CADPS2: variants seen among roughly 807,000 people sequenced by gnomAD.
CADPS2 encodes calcium dependent secretion activator 2.
A neutral mutation model predicts 172.5 loss-of-function variants in CADPS2; 93 were observed. That is an observed-to-expected ratio of 0.54 (90% CI 0.46 to 0.64). The LOEUF (loss-of-function observed/expected upper bound fraction) is 0.64. Ranked by LOEUF, CADPS2 falls within the 30% of genes least tolerant of loss-of-function variation. CADPS2 has a pLI of 0.00. For synonymous variants in CADPS2, 546 were observed against 555.2 expected (o/e 0.98, Z 0.23); for missense variants, 1,420 against 1,565.9 (o/e 0.91, Z 1.57).
intron 7 of CADPS2, among the ~76,000 whole-genome samples, chr7:122,556,994 T>A (rs569259141): frequency 6.6e-6 from 1 of 152,250 alleles, no homozygotes; most frequent in Admixed American, 6.5e-5. Flanking sequence ...GTATATCTAA[T>A]TCCCTATGTT....
intron 1 of CADPS2, among the ~76,000 whole-genome samples, chr7:122,762,146 A>T (rs1276369665): frequency 1.3e-5 from 2 of 151,632 alleles, no homozygotes; most frequent in African/African-American, 4.8e-5. Flanking sequence ...AACAGAAAAG[A>T]AGTACTCAAT....
chr7:122,456,270 GTTAT>G (rs1554538089), intron 14 of CADPS2, among the ~76,000 whole-genome samples: 1 of 151,912 alleles, frequency 6.6e-6, no homozygotes, highest in Non-Finnish European at 1.5e-5. Flanking sequence ...TTAAAATGTG[GTTAT>G]TTAAAATTCG....
intron 1 of CADPS2, among the ~76,000 whole-genome samples, chr7:122,852,614 A>C (rs891117012): frequency 1.3e-5 from 2 of 152,190 alleles, no homozygotes; most frequent in Non-Finnish European, 2.9e-5. Flanking sequence ...TTTCAGGTAC[A>C]GAGAACAGTA....
In CADPS2 at chr7:122,319,632, C is replaced by A. The variant is rs1395840423; in HGVS notation, c.*533G>T. ...TAGACCAATTCAAAGTACTAAGAAC[C>A]AAGATTAAAGATTTTATACACATCA... On this transcript the variant is annotated 3_prime_UTR_variant, in exon 30 of 30. Coordinates refer to ENST00000449022, the MANE Select transcript of CADPS2 (RefSeq NM_017954.11). The A allele has an allele frequency of 6.6e-6, 1 of 152,002 alleles. No homozygotes were observed. Among genetic ancestry groups the A allele is most frequent in the Non-Finnish European group, 1.5e-5 (1 of 68,006 alleles). 9.4% of individuals were successfully genotyped at this position (152,002 alleles called of 1,614,324 possible).
chr7:122,429,225 T>A (rs1041970276), intron 17 of CADPS2, among the ~76,000 whole-genome samples: 1 of 151,444 alleles, frequency 6.6e-6, no homozygotes, highest in African/African-American at 2.4e-5. Context: ...ACAAAACCAA[T>A]ATTTTCCAAA....
chr7:122,445,816 T>C (rs937195914), intron 15 of CADPS2, among the ~76,000 whole-genome samples: 3 of 152,140 alleles, frequency 2.0e-5, no homozygotes, highest in African/African-American at 7.2e-5. Context: ...AGTAAGAACC[T>C]GTCTCAAAAA....
chr7:122,552,694 C>CTGAA (rs2064457796), intron 8 of CADPS2, among the ~76,000 whole-genome samples: 1 of 151,592 alleles, frequency 6.6e-6, no homozygotes, highest in South Asian at 2.1e-4. Flanking sequence ...TTGAGACAAG[C>CTGAA]TGAAGGTCCA....
At chr7:122,371,238 G>A (rs1172851876) in intron 25 of CADPS2, among the ~76,000 whole-genome samples, 1 of 152,176 alleles carries the variant, frequency 6.6e-6, no homozygotes, top group Non-Finnish European at 1.5e-5. Context: ...TGGCTTCAGG[G>A]CTGTATTAGT....
chr7:122,665,839 T>C (rs1382550558), intron 2 of CADPS2, among the ~76,000 whole-genome samples: 1 of 152,226 alleles, frequency 6.6e-6, no homozygotes, highest in Non-Finnish European at 1.5e-5. Flanking sequence ...AATTACTTAC[T>C]ATTGGAAAGT....
intron 4 of CADPS2, among the ~76,000 whole-genome samples, chr7:122,626,976 C>T (rs2076148634): frequency 6.6e-6 from 1 of 152,140 alleles, no homozygotes; most frequent in African/African-American, 2.4e-5. Context: ...TGTAGTTTCA[C>T]TGTTATTATA....
chr7:122,835,528 A>T (rs1808099203), intron 1 of CADPS2, among the ~76,000 whole-genome samples: 1 of 152,202 alleles, frequency 6.6e-6, no homozygotes, highest in South Asian at 2.1e-4. Context: ...AGAAGCTAAA[A>T]ACCTTGAAAA....
chr7:122,836,246 A>C (rs1808368921), intron 1 of CADPS2, among the ~76,000 whole-genome samples: 2 of 152,186 alleles, frequency 1.3e-5, no homozygotes, highest in Non-Finnish European at 2.9e-5. Context: ...TTTTGTCACC[A>C]CCAGGCCTGC....
intron 17 of CADPS2, 100 bp downstream of exon 17, chr7:122,438,241 A>C (rs1242953106): frequency 7.6e-6 from 11 of 1,450,504 alleles, no homozygotes; most frequent in Non-Finnish European, 1.1e-5. Context: ...TTGCCATGGC[A>C]CAGGATTGTT....
intron 6 of CADPS2, among the ~76,000 whole-genome samples, chr7:122,596,191 G>A (rs1198379282): frequency 6.6e-6 from 1 of 151,982 alleles, no homozygotes; most frequent in Non-Finnish European, 1.5e-5. Flanking sequence ...GAGATACCTT[G>A]GAACAAAAAT....
Position 122,886,320 on chromosome 7 carries a change from G to A in CADPS2, c.18C>T (p.Ser6=). The change falls in exon 1 of 30, where the codon TCC becomes TCT. Residue 6 remains serine (S), a synonymous_variant. Transcript: ENST00000449022. MLDPS[S]SEEESDEGLE... ...GCCCCTCGTCCGACTCCTCTTCGCT[G>A]GAAGACGGGTCCAGCATGGTGCTCG... The A allele has an allele frequency of 6.7e-7, 1 of 1,503,138 alleles. No homozygotes were observed. The highest frequency in any genetic ancestry group is 8.8e-7 in the Non-Finnish European group (1 of 1,134,758). 93.1% of individuals were successfully genotyped at this position (1,503,138 alleles called of 1,614,324 possible). A position where few individuals can be genotyped will look rare whatever the true frequency, so the allele number is the denominator to read the frequency against.
At chr7:122,345,978 G>A (rs2037574139) in intron 27 of CADPS2, among the ~76,000 whole-genome samples, 1 of 138,706 alleles carries the variant, frequency 7.2e-6, no homozygotes, top group African/African-American at 2.7e-5. Flanking sequence ...CAGTATAAAT[G>A]AATAAATTTT....
chr7:122,670,670 T>C (rs905427512), intron 2 of CADPS2, among the ~76,000 whole-genome samples: 5 of 151,838 alleles, frequency 3.3e-5, no homozygotes, highest in Admixed American at 1.3e-4. Context: ...GCTAATTTTT[T>C]TTGTATTTTT....
chr7:122,477,047 GAGAGAAGAGA>G (rs2056747785), intron 12 of CADPS2, among the ~76,000 whole-genome samples: 2 of 74,610 alleles, frequency 2.7e-5, no homozygotes, highest in Non-Finnish European at 4.7e-5. Flanking sequence ...GGAGAGGAGA[GAGAGAAGAGA>G]GAGAGAGAGA....
At chr7:122,663,658 A>C in intron 2 of CADPS2, 89 bp from the exon 3 acceptor site, 1 of 924,892 alleles carries the variant, frequency 1.1e-6, no homozygotes, top group Non-Finnish European at 1.6e-6. Context: ...ATCCAGCCAG[A>C]GTTTCTACAA....
Sources: allele counts gnomAD v4.1 joint callset (sites outside exome capture counted in the v4.1 genomes callset), GRCh38; gene constraint gnomAD v4.1.1; transcripts MANE v1.5; gene names NCBI Gene and HGNC (gene_info 2026-07-23, HGNC 2026-07-21).